Variants in NLRP5 observed in about 807,000 individuals in gnomAD.
NLRP5 encodes the protein NLR family pyrin domain containing 5.
Under a neutral mutation model 113.1 loss-of-function variants are expected in NLRP5, and 93 were observed. That is an observed-to-expected ratio of 0.82 (90% CI 0.70 to 0.98). The LOEUF is 0.98. Among genes scored for constraint, NLRP5 ranks in the 50% least tolerant of loss-of-function variants. The pLI is 0.00. For missense variants in NLRP5, 1,808 were observed against 1,514.3 expected (o/e 1.19, Z -3.22); for synonymous variants, 751 against 600.7 (o/e 1.25, Z -3.66).
At chr19:56,026,312 A>G (rs1326400569) in intron 6 of NLRP5, among the ~76,000 whole-genome samples, 1 of 151,796 alleles carries the variant, frequency 6.6e-6, no homozygotes, top group Non-Finnish European at 1.5e-5. Flanking sequence ...GTACATCACT[A>G]GGTCAGGAGA....
intron 11 of NLRP5, among the ~76,000 whole-genome samples, chr19:56,046,062 C>A (rs1364202998): frequency 6.6e-6 from 1 of 152,120 alleles, no homozygotes; most frequent in Non-Finnish European, 1.5e-5. Context: ...TCAACTTTTC[C>A]CCATTCAGTA....
chr19:56,001,159 CTTT>C (rs34070550), intron 1 of NLRP5, among the ~76,000 whole-genome samples: 48 of 142,064 alleles, frequency 3.4e-4, no homozygotes, highest in East Asian at 6.2e-4. Context: ...CTTGTCTCTA[CTTT>C]TTTTTTTTTT....
chr19:55,988,425 AATATATATATGTGTGTGTGTAT>A, the NLRP5 span: 2 of 85,104 alleles, frequency 2.4e-5, no homozygotes, highest in African/African-American at 1.1e-4. Flanking sequence ...TATACACATA[AATATATATATGTGTGTGTGTAT>A]ATATATATAT....
chr19:56,005,503 T>TATACACACATATATATTTATACACACAC lies in NLRP5; in HGVS notation c.442+1408_442+1409insATACACACATATATATTTATACACACAC. 2.1e-5 allele frequency among the ~76,000 whole-genome samples: 3 copies of TATACACACATATATATTTATACACACAC among 144,528 alleles called. No homozygotes were observed. The East Asian group carries it at 5.9e-4, about 29-fold the overall frequency. 94.8% of individuals were successfully genotyped at this position (144,528 alleles called of 152,430 possible). A position where few individuals can be genotyped will look rare whatever the true frequency, so the allele number is the denominator to read the frequency against. Reference sequence around the variant, plus strand: ...CACACACACACGCAGGTGGCATGCCTGTACACATATATATTTATACACACA... The same window carrying TATACACACATATATATTTATACACACAC: ...CACACACACACGCAGGTGGCATGCCTATACACACATATATATTTATACACACACGTACACATATATATTTATACACACA... On this transcript the variant is annotated intron_variant, in intron 2 of 14. Transcript: ENST00000390649.
chr19:56,049,261 C>A (rs1983843486), intron 11 of NLRP5, among the ~76,000 whole-genome samples: 2 of 151,966 alleles, frequency 1.3e-5, no homozygotes, highest in South Asian at 4.2e-4. Context: ...CTCACTGCAA[C>A]CTTTGCCTCC....
At chr19:56,004,247 T>C (rs952264879) in intron 2 of NLRP5, among the ~76,000 whole-genome samples, 152 bp downstream of exon 2, 19 of 152,008 alleles carry the variant, frequency 1.2e-4, no homozygotes, top group African/African-American at 4.1e-4. Flanking sequence ...TCGTCATTGG[T>C]TGGAAATTAG....
chr19:56,059,314 T>C (rs1984267289), intron 14 of NLRP5, among the ~76,000 whole-genome samples: 1 of 152,200 alleles, frequency 6.6e-6, no homozygotes, highest in African/African-American at 2.4e-5. Flanking sequence ...ACTAGAAGTT[T>C]CTTTCATGAC....
In NLRP5 at chr19:56,053,715, GC is replaced by G. The variant is rs1171426316; in HGVS notation, c.3208del (p.Leu1070TrpfsTer20). ...ATCTCGAGGAGCAGACACCTGAAGAGCCTGGATCTCACGGACAATGCCCTGG... is the reference window on the plus strand; with the variant it reads ...ATCTCGAGGAGCAGACACCTGAAGAGCTGGATCTCACGGACAATGCCCTGG... On this transcript the variant is annotated frameshift_variant, in exon 13 of 15. Transcript: ENST00000390649. LOFTEE classifies it high-confidence loss of function. 1 of 1,613,718 alleles carries G rather than the reference GC, an allele frequency of 6.2e-7. No homozygotes were observed. Among genetic ancestry groups the G allele is most frequent in the Non-Finnish European group, 8.5e-7 (1 of 1,179,864 alleles).
In NLRP5 at chr19:56,022,777, T is replaced by C. The variant is rs569937774; in HGVS notation, c.679+2346T>C. Among the ~76,000 whole-genome samples the C allele has an allele frequency of 2.0e-5, 3 of 152,268 alleles. No homozygotes were observed. The South Asian group carries it at 6.2e-4, about 32-fold the overall frequency. On this transcript the variant is annotated intron_variant, in intron 6 of 14. Transcript: ENST00000390649. Reference sequence around the variant, plus strand: ...TTAGCTCTTGTTGTCCAGGCTGGAGTGCAATGGCGCGATCTCAGCTCACTG... The same window carrying C: ...TTAGCTCTTGTTGTCCAGGCTGGAGCGCAATGGCGCGATCTCAGCTCACTG...
intron 3 of NLRP5, among the ~76,000 whole-genome samples, chr19:56,010,431 G>A (rs993037976): frequency 1.3e-5 from 2 of 152,064 alleles, no homozygotes; most frequent in Non-Finnish European, 2.9e-5. Context: ...CGTTGCTCCT[G>A]ATGGGCTGGG....
In NLRP5 at chr19:56,030,711, C is replaced by CTTTTTTTTTTTTTTTTTTTTTTTTT. The variant is rs1251579019; in HGVS notation, c.2277-1898_2277-1897insTTTTTTTTTTTTTTTTTTTTTTTTT. Among the ~76,000 whole-genome samples the CTTTTTTTTTTTTTTTTTTTTTTTTT allele has an allele frequency of 1.5e-4, 7 of 47,766 alleles. 1 individual carries two copies. Among genetic ancestry groups the CTTTTTTTTTTTTTTTTTTTTTTTTT allele is most frequent in the Non-Finnish European group, 1.9e-4 (6 of 31,824 alleles). 31.3% of individuals were successfully genotyped at this position (47,766 alleles called of 152,430 possible). ...TATACTTACATTCATTCGCTTTCTT[C>CTTTTTTTTTTTTTTTTTTTTTTTTT]TTCTTTTTTTTTTTTTTTTTTGAGA... On this transcript the variant is annotated intron_variant, in intron 7 of 14. Transcript: ENST00000390649.
intron 3 of NLRP5, among the ~76,000 whole-genome samples, chr19:56,013,026 C>T (rs1982259511): frequency 6.6e-6 from 1 of 152,054 alleles, no homozygotes; most frequent in South Asian, 2.1e-4. Context: ...TTCATCACCC[C>T]AGAAAACCAC....
upstream of NLRP5, chr19:55,999,684 C>T (rs1981551486): frequency 2.1e-6 from 3 of 1,461,936 alleles, no homozygotes; most frequent in South Asian, 1.1e-5. Context: ...CAGAGGAGAG[C>T]CCAGCCTTCG....
rs752560793 is a variant in NLRP5 at position 56,027,831 on chromosome 19, G to A, written c.1598G>A (p.Arg533His). ...AGAGTTGTCCTGAAGCGCTTCTGCC[G>A]TATGGCTGTGGAGGGAGTGTGGAAT... The change falls in exon 7 of 15, where the codon CGT (arginine) becomes CAT (histidine). Residue 533 changes from arginine to histidine, a missense_variant. Arg to His is a conservative substitution (Grantham distance 29, BLOSUM62 0). Coordinates refer to ENST00000390649, the MANE Select transcript of NLRP5 (RefSeq NM_153447.4). 6.8e-5 allele frequency: 109 copies of A among 1,613,836 alleles called. No homozygotes were observed. Among genetic ancestry groups the A allele is most frequent in the East Asian group, 1.3e-4 (6 of 44,892 alleles).
intron 11 of NLRP5, among the ~76,000 whole-genome samples, chr19:56,045,502 A>G (rs143124132): frequency 0.017 from 2,550 of 152,028 alleles, 61 homozygotes; most frequent in African/African-American, 0.058. Context: ...GCATGTTGGT[A>G]TGCACCCATT....
intron 13 of NLRP5, among the ~76,000 whole-genome samples, chr19:56,057,981 T>C (rs1235672298): frequency 6.6e-6 from 1 of 150,864 alleles, no homozygotes; most frequent in African/African-American, 2.4e-5. Context: ...TGAGCCAAGA[T>C]TGTGCTACTG....
At chr19:56,008,507 A>T (rs536594182) in intron 2 of NLRP5, among the ~76,000 whole-genome samples, 11 of 152,086 alleles carry the variant, frequency 7.2e-5, no homozygotes, top group Non-Finnish European at 1.6e-4. Flanking sequence ...CTGAAAAGAA[A>T]CTTAATCACC....
chr19:56,042,435 C>T (rs928486319), intron 11 of NLRP5, among the ~76,000 whole-genome samples: 40 of 152,174 alleles, frequency 2.6e-4, no homozygotes, highest in African/African-American at 9.2e-4. Context: ...CCTCCACCTC[C>T]CCTCCCAGGT....
chr19:56,055,098 C>T (rs1984083219), intron 13 of NLRP5, among the ~76,000 whole-genome samples: 1 of 144,144 alleles, frequency 6.9e-6, no homozygotes, highest in South Asian at 2.3e-4. Flanking sequence ...CTTCCGAGTT[C>T]AAGCCTCAGC....
Sources: allele counts gnomAD v4.1 joint callset (sites outside exome capture counted in the v4.1 genomes callset), GRCh38; gene constraint gnomAD v4.1.1; transcripts MANE v1.5; gene names NCBI Gene and HGNC (gene_info 2026-07-23, HGNC 2026-07-21).